Variants in EIF2D observed in about 807,000 individuals in gnomAD.
The protein encoded by EIF2D is hepatocellular carcinoma-associated antigen 56.
Under a neutral mutation model 77.4 loss-of-function variants are expected in EIF2D, and 56 were observed. That is an observed-to-expected ratio of 0.72 (90% CI 0.58 to 0.90). EIF2D has a LOEUF of 0.90. Ranked by LOEUF, EIF2D falls within the 40% of genes least tolerant of loss-of-function variation. EIF2D has a pLI of 0.00. For synonymous variants in EIF2D, 230 were observed against 271.0 expected, an observed-to-expected ratio of 0.85 and a Z score of 1.49; for missense variants, 574 against 706.5, an observed-to-expected ratio of 0.81 and a Z score of 2.13.
chr1:206,589,199 T>C (rs1252356065), downstream of EIF2D: 2 of 152,854 alleles, frequency 1.3e-5, no homozygotes, highest in East Asian at 3.8e-4. Flanking sequence ...AGTGTTTGTT[T>C]CCAGGATATT....
At chr1:206,573,083 A>G (rs1485335208) in intron 4 of EIF2D, among the ~76,000 whole-genome samples, 5 of 152,242 alleles carry the variant, frequency 3.3e-5, no homozygotes, top group African/African-American at 1.2e-4. Flanking sequence ...ACATTTATGG[A>G]GTGCTTACTG....
chr1:206,589,149 T>C (rs1233360643), downstream of EIF2D: 1 of 152,770 alleles, frequency 6.5e-6, no homozygotes, highest in Non-Finnish European at 1.5e-5. Flanking sequence ...TGGGAGTAAC[T>C]GCTGGTAGTG....
Position 206,596,388 on chromosome 1 carries a change from A to G in EIF2D, c.1389-550T>C, listed in dbSNP as rs78200590. 7.1e-3 allele frequency among the ~76,000 whole-genome samples: 1,074 copies of G among 152,312 alleles called. 10 individuals are homozygous for G. The highest frequency in any genetic ancestry group is 0.024 in the African/African-American group (1,018 of 41,572). ...TTTGCCAGTCACCTGGTCTCTTACA[A>G]CTACTCAGTTCTGCCATTATAGCAT... On this transcript the variant is annotated intron_variant, in intron 12 of 14. Coordinates refer to ENST00000271764, the MANE Select transcript of EIF2D (RefSeq NM_006893.3).
At position 206,599,557 on chromosome 1, in the gene EIF2D, C is replaced by A; in HGVS notation, c.1108G>T (p.Gly370Cys). 1 of 1,608,242 alleles carries A rather than the reference C, an allele frequency of 6.2e-7. No individual in the cohort carries two copies. The highest frequency in any genetic ancestry group is 8.5e-7 in the Non-Finnish European group (1 of 1,177,308). The change falls in exon 10 of 15, where the codon GGT (glycine) becomes TGT (cysteine). Residue 370 changes from glycine (G) to cysteine (C), a missense_variant. Coordinates refer to ENST00000271764, the MANE Select transcript of EIF2D (RefSeq NM_006893.3). The surrounding 1 kb of genome is among the most constrained non-coding windows in gnomAD (Gnocchi z 4.1). ...PSPTSQTIQE[G>C]SREQPYHPPD... Reference sequence around the variant, plus strand: ...GGGTGATAGGGCTGTTCCCTGCTACCCTCCTGGATAGTCTGGGAGGTCGGG... The same window carrying A: ...GGGTGATAGGGCTGTTCCCTGCTACACTCCTGGATAGTCTGGGAGGTCGGG...
intron 2 of EIF2D, 23 bp downstream of exon 2, chr1:206,611,161 C>A: frequency 6.3e-7 from 1 of 1,591,296 alleles, no homozygotes; most frequent in South Asian, 1.1e-5. Context: ...ATGGTAATGG[C>A]CATCTTCGTC....
chr1:206,573,741 C>G lies in EIF2D; in HGVS notation c.*255-1042G>C, dbSNP rs781900609. On this transcript the variant is annotated intron_variant and NMD_transcript_variant, in intron 4 of 5. Coordinates refer to the EIF2D transcript ENST00000472709. ...TAATATAAGTAGCCAGGCGTAGTGG[C>G]TCACGCCTGTAATCCCAGCATTTTG... Among the ~76,000 whole-genome samples the G allele has an allele frequency of 4.7e-4, 72 of 152,352 alleles. 1 individual carries two copies. Among genetic ancestry groups the G allele is most frequent in the Non-Finnish European group, 5.3e-4 (36 of 68,038 alleles).
In EIF2D at chr1:206,572,842, G is replaced by A. The variant is rs555687486; in HGVS notation, c.*255-143C>T. On this transcript the variant is annotated intron_variant and NMD_transcript_variant, in intron 4 of 5. Transcript: ENST00000472709. The stretch of plus-strand genomic sequence containing the variant: ...TTTTTTAATGGAGGAAGGGGCCCTT[G>A]GCCCCAAAGACAAAAGTTCTTAGGA... 4.6e-5 allele frequency: 7 copies of A among 152,150 alleles called. No individual in the cohort carries two copies. In the East Asian group the frequency reaches 7.7e-4, roughly 17 times the overall value. The allele number at this position is 152,150 out of a possible 1,614,324, so 9.4% of individuals were successfully genotyped here.
chr1:206,595,875 C>T, intron 12 of EIF2D, 37 bp from the exon 13 acceptor site: 1 of 1,608,500 alleles, frequency 6.2e-7, no homozygotes. Context: ...CTGATAAAGC[C>T]AACAGAAACC....
chr1:206,593,502 AGAGAGAGT>A, intron 14 of EIF2D, 109 bp downstream of exon 14: 2 of 428,074 alleles, frequency 4.7e-6, no homozygotes, highest in Non-Finnish European at 7.1e-6. Context: ...AGAGAGAGAG[AGAGAGAGT>A]GTGTGTGTGT....
intron 4 of EIF2D, among the ~76,000 whole-genome samples, chr1:206,575,352 A>T (rs1240637430): frequency 6.6e-6 from 1 of 152,136 alleles, no homozygotes; most frequent in East Asian, 1.9e-4. Context: ...ATTTGCTAAG[A>T]GCTGAGAAAG....
rs935885291 is a variant in EIF2D, at chr1:206,584,033, C to T, written c.139-2871G>A. Among the ~76,000 whole-genome samples the T allele has an allele frequency of 6.6e-6, 1 of 152,194 alleles. No individual in the cohort carries two copies. The highest frequency in any genetic ancestry group is 1.5e-5 in the Non-Finnish European group (1 of 68,040). Reference sequence around the variant, plus strand: ...CCTCATTATAGAGCCTTCCTGCTTCCTGCCTGGTTCAGAGGTACAAACTAG... The same window carrying T: ...CCTCATTATAGAGCCTTCCTGCTTCTTGCCTGGTTCAGAGGTACAAACTAG... On this transcript the variant is annotated intron_variant and NMD_transcript_variant, in intron 2 of 5. Transcript: ENST00000472709. This position sits in a 1 kb window ranked among gnomAD's most constrained non-coding sequence, Gnocchi z 4.9.
chr1:206,600,170 G>A, intron 8 of EIF2D, 93 bp downstream of exon 8: 4 of 1,290,132 alleles, frequency 3.1e-6, no homozygotes, highest in Non-Finnish European at 4.4e-6. Context: ...ACTGAGCCTG[G>A]TAGACAAGGC....
chr1:206,587,771 C>T (rs1159371453), downstream of EIF2D: 1 of 152,386 alleles, frequency 6.6e-6, no homozygotes, highest in Non-Finnish European at 1.5e-5. Flanking sequence ...CATGTGTTTC[C>T]CCAAAGGGAA....
chr1:206,597,219 A>G, intron 11 of EIF2D, 24 bp from the exon 12 acceptor site: 3 of 1,578,326 alleles, frequency 1.9e-6, no homozygotes, highest in Non-Finnish European at 2.6e-6. Context: ...AGAGGCAATG[A>G]AGAAATCCTA....
chr1:206,575,458 G>A (rs1553405025), intron 4 of EIF2D, among the ~76,000 whole-genome samples: 2 of 152,184 alleles, frequency 1.3e-5, no homozygotes, highest in African/African-American at 4.8e-5. Flanking sequence ...AGACCGGCTT[G>A]GGCTTGGCTA....
At chr1:206,569,906 T>A (rs116741228), downstream of EIF2D, among the ~76,000 whole-genome samples, 5,085 of 152,208 alleles carry the variant, frequency 0.033, 103 homozygotes, top group Admixed American at 0.047. Context: ...CTTGGCGTGA[T>A]GGAGGCCCAG....
rs868966685 is a variant in EIF2D at position 206,611,313 on chromosome 1, C to CA, written c.117dup (p.Glu40Ter). 1 of 1,614,222 alleles carries CA rather than the reference C, an allele frequency of 6.2e-7. No individual in the cohort carries two copies. The highest frequency in any genetic ancestry group is 1.3e-5 in the African/African-American group (1 of 75,050). ...AGCTCCTCCTTTCCAGGTACTAACT[C>CA]AGAGACTTGATCAGTTCCAAGGGTG... is the stretch of plus-strand genomic sequence containing the variant. On this transcript the variant is annotated frameshift_variant, in exon 2 of 15. Coordinates refer to ENST00000271764, the MANE Select transcript of EIF2D (RefSeq NM_006893.3). LOFTEE classifies it high-confidence loss of function.
In EIF2D at chr1:206,584,668, A is replaced by T. The variant is rs782364121; in HGVS notation, c.139-3506T>A. 2.5e-6 allele frequency: 4 copies of T among 1,614,112 alleles called. No individual in the cohort carries two copies. On this transcript the variant is annotated intron_variant and NMD_transcript_variant, in intron 2 of 5. Coordinates refer to the EIF2D transcript ENST00000472709. This position sits in a 1 kb window ranked among gnomAD's most constrained non-coding sequence, Gnocchi z 4.9. ...AGAAGTTTGCACTTTTTAAGCGGATACACAAGGACGGACAAGGTAGGAGAA... is the reference window on the plus strand; with the variant it reads ...AGAAGTTTGCACTTTTTAAGCGGATTCACAAGGACGGACAAGGTAGGAGAA...
At position 206,612,375 on chromosome 1, in the gene EIF2D, G is replaced by A; in HGVS notation, c.-33C>T. ...GGGGTGGCCTGGGGAAGAGAGCACA[G>A]AAGCCAGGGAATGTCAAGAAAGCGA... On this transcript the variant is annotated 5_prime_UTR_variant, in exon 1 of 15. Transcript: ENST00000271764. The A allele has an allele frequency of 6.2e-7, 1 of 1,614,122 alleles. No individual in the cohort carries two copies. Among genetic ancestry groups the A allele is most frequent in the Non-Finnish European group, 8.5e-7 (1 of 1,179,930 alleles).
Sources: gnomAD v4.1 joint callset for allele counts (sites outside exome capture counted in the v4.1 genomes callset) on GRCh38, gnomAD v4.1.1 for gene constraint, Gnocchi (gnomAD v3.1) non-coding constraint, MANE v1.5 for transcripts, NCBI Gene and HGNC (gene_info 2026-07-23, HGNC 2026-07-21) for gene names.